NPY2R: variants seen among roughly 807,000 people sequenced by gnomAD.
NPY2R encodes the protein neuropeptide Y receptor type 2.
NPY2R carries 17 observed loss-of-function variants against 22.3 expected under a neutral mutation model. The observed-to-expected ratio is 0.76, with a 90% CI of 0.52 to 1.14. The LOEUF is 1.14. Ranked by LOEUF, NPY2R falls within the 50% of genes most tolerant of loss-of-function variation. NPY2R has a pLI of 0.00. For missense variants in NPY2R, 424 were observed against 467.9 expected (o/e 0.91, Z 0.87); for synonymous variants, 209 against 183.4 (o/e 1.14, Z -1.13).
chr4:155,178,836 C>T, the NPY2R span, among the ~76,000 whole-genome samples: 1 of 152,174 alleles, frequency 6.6e-6, no homozygotes, highest in Non-Finnish European at 1.5e-5. Flanking sequence ...GCAGATATTT[C>T]TTCAAGTACT....
the NPY2R span, among the ~76,000 whole-genome samples, chr4:155,184,449 A>G: frequency 6.6e-6 from 1 of 152,190 alleles, no homozygotes; most frequent in Non-Finnish European, 1.5e-5. Context: ...AGAAGCCCAT[A>G]CTACCTGTAT....
chr4:155,188,044 T>C, the NPY2R span, among the ~76,000 whole-genome samples: 5 of 152,140 alleles, frequency 3.3e-5, no homozygotes, highest in Admixed American at 2.0e-4. Flanking sequence ...CTTCTGAATA[T>C]CATTGAAAAG....
the NPY2R span, among the ~76,000 whole-genome samples, chr4:155,198,409 T>C: frequency 6.7e-6 from 1 of 148,660 alleles, no homozygotes; most frequent in Non-Finnish European, 1.5e-5. Context: ...ATTAATTATA[T>C]ATATGTATAT....
the NPY2R span, among the ~76,000 whole-genome samples, chr4:155,195,017 TG>T: frequency 9.2e-5 from 14 of 152,120 alleles, no homozygotes; most frequent in Middle Eastern, 3.4e-3. Flanking sequence ...ACATGCTTTT[TG>T]GTCATGTGTA....
At chr4:155,185,515 C>T in the NPY2R span, among the ~76,000 whole-genome samples, 6 of 152,046 alleles carry the variant, frequency 3.9e-5, no homozygotes, top group Non-Finnish European at 7.4e-5. Context: ...CATTTCTCCC[C>T]ATAAAGTTCT....
At chr4:155,204,598 A>G (rs76912072), upstream of NPY2R, among the ~76,000 whole-genome samples, 1 of 152,188 alleles carries the variant, frequency 6.6e-6, no homozygotes, top group Admixed American at 6.5e-5. Context: ...GTCCATAACA[A>G]CAATAACTCA....
chr4:155,187,580 T>C, the NPY2R span, among the ~76,000 whole-genome samples: 1 of 152,064 alleles, frequency 6.6e-6, no homozygotes, highest in Non-Finnish European at 1.5e-5. Context: ...GTCTTGCCCT[T>C]ACACAGTGCA....
the NPY2R span, among the ~76,000 whole-genome samples, chr4:155,201,591 C>T: frequency 6.6e-6 from 1 of 152,022 alleles, no homozygotes; most frequent in Admixed American, 6.6e-5. Context: ...TGTTAGGTTG[C>T]AATAAGAAAG....
upstream of NPY2R, among the ~76,000 whole-genome samples, chr4:155,205,923 T>C (rs1729276274): frequency 6.6e-6 from 1 of 152,174 alleles, no homozygotes; most frequent in Non-Finnish European, 1.5e-5. Context: ...TTGGTTTATT[T>C]AAAATTCAGA....
the NPY2R span, among the ~76,000 whole-genome samples, chr4:155,202,429 A>T: frequency 6.6e-6 from 1 of 152,190 alleles, no homozygotes; most frequent in Non-Finnish European, 1.5e-5. Flanking sequence ...GACAATCAAT[A>T]GCAGGTCTGT....
At chr4:155,196,483 A>T in the NPY2R span, among the ~76,000 whole-genome samples, 7 of 151,994 alleles carry the variant, frequency 4.6e-5, no homozygotes, top group Admixed American at 2.6e-4. Context: ...GAGATTACAG[A>T]TTGAAGCCAA....
At chr4:155,178,857 C>T in the NPY2R span, among the ~76,000 whole-genome samples, 1 of 152,138 alleles carries the variant, frequency 6.6e-6, no homozygotes, top group Non-Finnish European at 1.5e-5. Flanking sequence ...TTTGCTGTTT[C>T]TCCCCTTCCT....
At chr4:155,180,120 A>G in the NPY2R span, among the ~76,000 whole-genome samples, 50 of 148,994 alleles carry the variant, frequency 3.4e-4, 2 homozygotes, top group Middle Eastern at 0.01. Flanking sequence ...GGGTCTTGCC[A>G]TGTTGTCCAG....
At chr4:155,186,871 G>C in the NPY2R span, among the ~76,000 whole-genome samples, 1 of 151,976 alleles carries the variant, frequency 6.6e-6, no homozygotes, top group Non-Finnish European at 1.5e-5. Flanking sequence ...GTATAAACTT[G>C]GGTTCTTATA....
the NPY2R span, among the ~76,000 whole-genome samples, chr4:155,202,698 A>C: frequency 2.6e-5 from 4 of 152,120 alleles, no homozygotes; most frequent in African/African-American, 9.7e-5. Context: ...CTTTCTCAGG[A>C]GATATCAATA....
chr4:155,212,486 T>C (rs1034751630), intron 1 of NPY2R, among the ~76,000 whole-genome samples: 3 of 152,218 alleles, frequency 2.0e-5, no homozygotes, highest in Non-Finnish European at 4.4e-5. Flanking sequence ...CCTCTTGTCT[T>C]CACCCGGCAA....
upstream of NPY2R, chr4:155,207,385 C>G (rs1230203995): frequency 6.6e-6 from 1 of 152,060 alleles, no homozygotes; most frequent in African/African-American, 2.4e-5. Context: ...TCCAAGCACA[C>G]CAGTATGACC....
the NPY2R span, among the ~76,000 whole-genome samples, chr4:155,203,379 G>T: frequency 6.6e-6 from 1 of 152,080 alleles, no homozygotes; most frequent in South Asian, 2.1e-4. Flanking sequence ...AACTTTACTG[G>T]ACTACTCGCT....
Position 155,216,378 on chromosome 4 carries a change from C to T in NPY2R, c.*1293C>T, listed in dbSNP as rs1056145151. ...AATTGTTATTTCAATAGTACCCAAC[C>T]AAAGATGCTTAAAAACCTTCTATGT... On this transcript the variant is annotated 3_prime_UTR_variant, in exon 2 of 2. Transcript: ENST00000329476. The T allele has an allele frequency of 6.0e-6, 1 of 166,368 alleles. No individual in the cohort carries two copies. Among genetic ancestry groups the T allele is most frequent in the Non-Finnish European group, 1.5e-5 (1 of 67,938 alleles). The allele number at this position is 166,368 out of a possible 1,614,324, so 10.3% of individuals were successfully genotyped here.
Sources: allele counts gnomAD v4.1 joint callset (sites outside exome capture counted in the v4.1 genomes callset), GRCh38; gene constraint gnomAD v4.1.1; transcripts MANE v1.5; gene names NCBI Gene and HGNC (gene_info 2026-07-23, HGNC 2026-07-21).